The following CA10 variants were observed in gnomAD, a reference collection of about 807,000 sequenced individuals.
CA10 encodes the protein carbonic anhydrase 10 (inactive).
In CA10, 14 loss-of-function variants were observed where a neutral mutation model predicts 44.2. The observed-to-expected ratio is 0.32, with a 90% confidence interval of 0.21 to 0.50. CA10 has a LOEUF of 0.50. CA10 is among the 20% of genes least tolerant of loss of function. The probability of loss-of-function intolerance (pLI) is 0.99; values close to 1 mark genes in which losing one functional copy is unlikely to be tolerated. For synonymous variants in CA10, 159 were observed against 141.6 expected (o/e 1.12, Z -0.87); for missense variants, 350 against 409.7 (o/e 0.85, Z 1.26).
At chr17:51,745,988 TGC>T (rs1167600223) in intron 4 of CA10, among the ~76,000 whole-genome samples, 4 of 152,252 alleles carry the variant, frequency 2.6e-5, no homozygotes, top group African/African-American at 9.6e-5. Flanking sequence ...CTTTCTGTCC[TGC>T]TTTCATTACA....
intron 4 of CA10, among the ~76,000 whole-genome samples, chr17:51,696,028 G>C (rs1029250819): frequency 6.6e-6 from 1 of 152,156 alleles, no homozygotes; most frequent in Non-Finnish European, 1.5e-5. Flanking sequence ...TTTGATCATG[G>C]TGAATTAACT....
chr17:51,850,341 G>C (rs1250649205), intron 3 of CA10, among the ~76,000 whole-genome samples: 3 of 152,168 alleles, frequency 2.0e-5, no homozygotes, highest in Non-Finnish European at 4.4e-5. Flanking sequence ...TAGTCAAATG[G>C]TCTTGGAATA....
intron 1 of CA10, among the ~76,000 whole-genome samples, chr17:52,141,091 G>C (rs1337974964): frequency 6.6e-6 from 1 of 152,146 alleles, no homozygotes; most frequent in Non-Finnish European, 1.5e-5. Flanking sequence ...GGCAGAAGAA[G>C]AGTACTCAGA....
intron 3 of CA10, among the ~76,000 whole-genome samples, chr17:51,778,578 A>G (rs967174547): frequency 6.6e-6 from 1 of 152,218 alleles, no homozygotes; most frequent in Non-Finnish European, 1.5e-5. Context: ...CCTTGACCAC[A>G]TGGTAATAGT....
intron 1 of CA10, among the ~76,000 whole-genome samples, chr17:52,084,082 A>G (rs1447521287): frequency 1.3e-5 from 2 of 152,180 alleles, no homozygotes; most frequent in African/African-American, 4.8e-5. Context: ...TTGTGAGTCA[A>G]AGTACAGTCA....
chr17:51,813,286 C>T (rs565593308), intron 3 of CA10, among the ~76,000 whole-genome samples: 21 of 152,280 alleles, frequency 1.4e-4, no homozygotes, highest in African/African-American at 4.6e-4. Context: ...ATAATTGTGC[C>T]ATTATATCAG....
At chr17:51,891,715 G>T (rs1260289091) in intron 3 of CA10, among the ~76,000 whole-genome samples, 1 of 152,226 alleles carries the variant, frequency 6.6e-6, no homozygotes, top group Non-Finnish European at 1.5e-5. Flanking sequence ...TGGTGGCTCA[G>T]GAGGCCATGG....
intron 4 of CA10, among the ~76,000 whole-genome samples, chr17:51,670,685 C>T (rs1914385240): frequency 2.0e-5 from 3 of 152,176 alleles, no homozygotes; most frequent in Admixed American, 6.5e-5. Flanking sequence ...CAATGAGTAA[C>T]ACCACCACTA....
At chr17:51,889,676 T>C (rs1598102181) in intron 3 of CA10, among the ~76,000 whole-genome samples, 3 of 152,228 alleles carry the variant, frequency 2.0e-5, no homozygotes, top group Admixed American at 6.5e-5. Flanking sequence ...TAGGCTTGCC[T>C]ACATTATAAT....
chr17:51,669,665 C>A (rs1215425349), intron 4 of CA10, among the ~76,000 whole-genome samples: 4 of 152,134 alleles, frequency 2.6e-5, no homozygotes. Context: ...CCAGATGCAC[C>A]ACCTTTAAGA....
chr17:52,028,518 A>C (rs551272045), intron 2 of CA10, among the ~76,000 whole-genome samples: 2 of 152,312 alleles, frequency 1.3e-5, no homozygotes, highest in African/African-American at 4.8e-5. Context: ...TCTGGCATGA[A>C]GTGAGGTACG....
chr17:51,749,146 C>A (rs1472947805), intron 3 of CA10, among the ~76,000 whole-genome samples: 1 of 152,168 alleles, frequency 6.6e-6, no homozygotes, highest in Non-Finnish European at 1.5e-5. Flanking sequence ...CAGCCTAGGC[C>A]CCTAGAGATT....
At chr17:51,654,910 C>T (rs1174375071) in intron 4 of CA10, among the ~76,000 whole-genome samples, 1 of 151,908 alleles carries the variant, frequency 6.6e-6, no homozygotes, top group Admixed American at 6.6e-5. Flanking sequence ...GTGATGCCCC[C>T]CCCACCACCT....
chr17:52,033,625 A>G (rs1279440169), intron 2 of CA10, among the ~76,000 whole-genome samples: 2 of 152,318 alleles, frequency 1.3e-5, no homozygotes, highest in East Asian at 1.9e-4. Flanking sequence ...AGTCTCAACA[A>G]ACATATTAAG....
intron 4 of CA10, among the ~76,000 whole-genome samples, chr17:51,735,830 T>TAAA (rs11402207): frequency 1.0e-3 from 154 of 147,200 alleles, no homozygotes; most frequent in African/African-American, 3.3e-3. Flanking sequence ...AAAAACAAAG[T>TAAA]AAAAAAAAAA....
chr17:52,119,794 T>G (rs1421066603), intron 1 of CA10, among the ~76,000 whole-genome samples: 1 of 152,214 alleles, frequency 6.6e-6, no homozygotes, highest in African/African-American at 2.4e-5. Flanking sequence ...TGGAGAGAGA[T>G]AAATTATGTT....
At chr17:52,065,624 C>T (rs73989066) in intron 2 of CA10, among the ~76,000 whole-genome samples, 11,511 of 152,264 alleles carry the variant, frequency 0.076, 452 homozygotes, top group South Asian at 0.19. Context: ...TTCAATCTCT[C>T]CTTTGATTCT....
At chr17:51,701,191 TGTG>T (rs1915589652) in intron 4 of CA10, among the ~76,000 whole-genome samples, 1 of 152,158 alleles carries the variant, frequency 6.6e-6, no homozygotes, top group Non-Finnish European at 1.5e-5. Flanking sequence ...CCCAGGTTCT[TGTG>T]GTTGCTGGCA....
intron 2 of CA10, among the ~76,000 whole-genome samples, chr17:51,983,622 T>C (rs997121055): frequency 1.3e-5 from 2 of 151,786 alleles, no homozygotes; most frequent in African/African-American, 4.8e-5. Context: ...TTGTTTACTT[T>C]TTATTGATTT....
Sources: allele counts gnomAD v4.1 joint callset (sites outside exome capture counted in the v4.1 genomes callset), GRCh38; gene constraint gnomAD v4.1.1; transcripts MANE v1.5; gene names NCBI Gene and HGNC (gene_info 2026-07-23, HGNC 2026-07-21).